PXDC1: variants seen among roughly 807,000 people sequenced by gnomAD.
The protein encoded by PXDC1 is PX domain-containing protein 1.
A neutral mutation model predicts 24.4 loss-of-function variants in PXDC1; 13 were observed. The observed-to-expected ratio is 0.53, with a 90% CI of 0.35 to 0.85. The LOEUF is 0.85. Ranked by LOEUF, PXDC1 falls within the 40% of genes least tolerant of loss-of-function variation. The probability of loss-of-function intolerance (pLI) is 0.01; values close to 1 mark genes in which losing one functional copy is unlikely to be tolerated. For missense variants in PXDC1, 344 were observed against 309.3 expected (o/e 1.11, Z -0.84); for synonymous variants, 162 against 124.9 (o/e 1.30, Z -1.98).
rs1554109943 is a variant in PXDC1 at position 3,723,596 on chromosome 6, C to T, written c.*23G>A. ...CAGAGCTGGCAGTGAACAGCTGAGG[C>T]GGGGGAGGCCTGATAGAGAGGTTCA... On this transcript the variant is annotated 3_prime_UTR_variant, in exon 5 of 5. Coordinates refer to ENST00000380283, the MANE Select transcript of PXDC1 (RefSeq NM_183373.4). 1.6e-5 allele frequency: 25 copies of T among 1,549,928 alleles called. No homozygotes were observed. Among genetic ancestry groups the T allele is most frequent in the South Asian group, 1.0e-4 (9 of 89,690 alleles).
intron 3 of PXDC1, among the ~76,000 whole-genome samples, chr6:3,731,708 C>CT (rs763698761): frequency 6.6e-6 from 1 of 152,246 alleles, no homozygotes; most frequent in African/African-American, 2.4e-5. Context: ...TCTGCGACCT[C>CT]TGACAGTTCC....
chr6:3,749,822 C>T (rs914411068), intron 1 of PXDC1, among the ~76,000 whole-genome samples: 4 of 152,188 alleles, frequency 2.6e-5, no homozygotes, highest in South Asian at 2.1e-4. Context: ...GGAGCTCAGA[C>T]GCCTGACCAC....
chr6:3,750,723 G>A (rs1178880255), intron 1 of PXDC1, among the ~76,000 whole-genome samples: 1 of 152,146 alleles, frequency 6.6e-6, no homozygotes, highest in Non-Finnish European at 1.5e-5. Context: ...CGGCAGCCGC[G>A]GGCGGGGCGG....
chr6:3,728,216 G>A lies in PXDC1; in HGVS notation c.467-554C>T, dbSNP rs1006373287. Among the ~76,000 whole-genome samples the A allele has an allele frequency of 6.6e-6, 1 of 152,196 alleles. No homozygotes were observed. The highest frequency in any genetic ancestry group is 1.5e-5 in the Non-Finnish European group (1 of 68,040). ...GATAAGTTCTTTAGCGGTGATTTCT[G>A]AGATTTTGGTGGATCCATCACCCAA... is the stretch of plus-strand genomic sequence containing the variant. On this transcript the variant is annotated intron_variant, in intron 3 of 4. Transcript: ENST00000380283. The surrounding 1 kb of genome is among the most constrained non-coding windows in gnomAD (Gnocchi z 4.0).
At chr6:3,727,709 T>G in intron 3 of PXDC1, 47 bp from the exon 4 acceptor site, 1 of 1,346,346 alleles carries the variant, frequency 7.4e-7, no homozygotes, top group Non-Finnish European at 1.1e-6. Flanking sequence ...GGTCGGAGCT[T>G]GAGGTTTTGG....
In PXDC1 at chr6:3,737,316, G is replaced by A; in HGVS notation, c.349-120C>T. The A allele has an allele frequency of 2.8e-6, 2 of 722,874 alleles. No homozygotes were observed. Among genetic ancestry groups the A allele is most frequent in the Non-Finnish European group, 4.8e-6 (2 of 414,668 alleles). The allele number at this position is 722,874 out of a possible 1,614,324, so 44.8% of individuals were successfully genotyped here. A position where few individuals can be genotyped will look rare whatever the true frequency, so the allele number is the denominator to read the frequency against. On this transcript the variant is annotated intron_variant, in intron 2 of 4. Transcript: ENST00000380283. The surrounding 1 kb of genome is among the most constrained non-coding windows in gnomAD (Gnocchi z 5.5). ...AGCCTGTGTGATGCAAACGCCCCAT[G>A]AATGTCCAGATGCTCCCATGGCTGG...
chr6:3,739,135 A>G (rs1581247990), intron 1 of PXDC1: 2 of 1,169,762 alleles, frequency 1.7e-6, no homozygotes, highest in East Asian at 1.2e-4. Context: ...AAGCCTGTTC[A>G]GTTTTCAAGC....
At chr6:3,739,174 T>G (rs1250453609) in intron 1 of PXDC1, 1 of 1,081,126 alleles carries the variant, frequency 9.2e-7, no homozygotes, top group Non-Finnish European at 1.1e-6. Context: ...ATAAGAGAGA[T>G]AAAAAAAGAT....
chr6:3,749,587 G>T (rs1478591146), intron 1 of PXDC1, among the ~76,000 whole-genome samples: 3 of 151,454 alleles, frequency 2.0e-5, no homozygotes, highest in Non-Finnish European at 4.4e-5. Flanking sequence ...TTCCACCAGC[G>T]TGGATGCAAC....
chr6:3,751,215 T>G, intron 1 of PXDC1, 61 bp downstream of exon 1: 2 of 1,258,470 alleles, frequency 1.6e-6, no homozygotes, highest in Non-Finnish European at 2.1e-6. Context: ...CTTCCCCGCC[T>G]CCTTCGTGCA....
intron 1 of PXDC1, among the ~76,000 whole-genome samples, chr6:3,742,977 G>A (rs961518079): frequency 3.3e-5 from 5 of 152,186 alleles, no homozygotes; most frequent in Non-Finnish European, 5.9e-5. Context: ...TTTGTTCTTG[G>A]AATCAGAACT....
intron 1 of PXDC1, chr6:3,738,950 C>G: frequency 7.7e-7 from 1 of 1,298,830 alleles, no homozygotes; most frequent in Non-Finnish European, 1.0e-6. Context: ...CTTGTGTGAC[C>G]GAGGCTGATG....
intron 1 of PXDC1, among the ~76,000 whole-genome samples, chr6:3,746,062 A>G (rs1760563386): frequency 6.6e-6 from 1 of 152,208 alleles, no homozygotes; most frequent in South Asian, 2.1e-4. Context: ...GCTCAGATCA[A>G]GGTGCTCCTG....
At chr6:3,727,760 C>G in intron 3 of PXDC1, 98 bp from the exon 4 acceptor site, 1 of 764,072 alleles carries the variant, frequency 1.3e-6, no homozygotes, top group Admixed American at 2.0e-5. Context: ...TCTCCTCCAC[C>G]TGTTGCCCGT....
chr6:3,749,465 C>A (rs1057283593), intron 1 of PXDC1, among the ~76,000 whole-genome samples: 1 of 147,028 alleles, frequency 6.8e-6, no homozygotes, highest in African/African-American at 2.5e-5. Flanking sequence ...TCCTGCGTGT[C>A]CACACAGCTT....
chr6:3,731,300 C>T (rs1170467262), intron 3 of PXDC1, among the ~76,000 whole-genome samples: 3 of 152,124 alleles, frequency 2.0e-5, no homozygotes, highest in Non-Finnish European at 4.4e-5. Context: ...TAGTAATGTC[C>T]TCAGATCTGT....
chr6:3,746,954 C>G (rs151014326), intron 1 of PXDC1, among the ~76,000 whole-genome samples: 29 of 152,252 alleles, frequency 1.9e-4, no homozygotes, highest in African/African-American at 6.7e-4. Flanking sequence ...TCCCCTGGTA[C>G]TCGGATCTCA....
intron 3 of PXDC1, among the ~76,000 whole-genome samples, chr6:3,733,964 T>C (rs992214209): frequency 1.3e-5 from 2 of 152,182 alleles, no homozygotes; most frequent in Admixed American, 6.5e-5. Context: ...ATAATTCATC[T>C]TGCTGCATCC....
chr6:3,737,740 G>A lies in PXDC1; in HGVS notation c.348+317C>T, dbSNP rs1760353861. 1 of 974,058 alleles carries A rather than the reference G, an allele frequency of 1.0e-6. No individual in the cohort carries two copies. Among genetic ancestry groups the A allele is most frequent in the Non-Finnish European group, 1.2e-6 (1 of 819,590 alleles). 60.3% of individuals were successfully genotyped at this position (974,058 alleles called of 1,614,324 possible). ...AGCAAGACGGTGGATTCTGAGCAGA[G>A]GCAGAAAGCAAAGGCCTCCTGCAGC... On this transcript the variant is annotated intron_variant, in intron 2 of 4. Coordinates refer to ENST00000380283, the MANE Select transcript of PXDC1 (RefSeq NM_183373.4). The surrounding 1 kb of genome is among the most constrained non-coding windows in gnomAD (Gnocchi z 5.5).
Sources: gnomAD v4.1 joint callset for allele counts (sites outside exome capture counted in the v4.1 genomes callset) on GRCh38, gnomAD v4.1.1 for gene constraint, Gnocchi (gnomAD v3.1) non-coding constraint, MANE v1.5 for transcripts, NCBI Gene and HGNC (gene_info 2026-07-23, HGNC 2026-07-21) for gene names.